The following CDH6 variants were observed in gnomAD, a reference collection of about 807,000 sequenced individuals.
The protein encoded by CDH6 is cadherin 6, also known as cadherin-6.
A neutral mutation model predicts 78.0 loss-of-function variants in CDH6; 31 were observed. The observed-to-expected ratio is 0.40, with a 90% confidence interval of 0.30 to 0.54. The LOEUF (loss-of-function observed/expected upper bound fraction) is 0.54. Ranked by LOEUF, CDH6 falls within the 20% of genes least tolerant of loss-of-function variation. The pLI is 0.56. For synonymous variants in CDH6, 376 were observed against 368.8 expected, an observed-to-expected ratio of 1.02 and a Z score of -0.23; for missense variants, 724 against 975.9, an observed-to-expected ratio of 0.74 and a Z score of 3.44.
rs1742942336 is a variant in CDH6, at chr5:31,284,012, G to T, written c.229-9950G>T. On this transcript the variant is annotated intron_variant, in intron 2 of 11. Coordinates refer to ENST00000265071, the MANE Select transcript of CDH6 (RefSeq NM_004932.4). ...GTGTTTTGGGTAGAGACAGGGTTTT[G>T]CCATGTTGCCCAGGCTGGTCTCAAA... Among the ~76,000 whole-genome samples the T allele has an allele frequency of 2.0e-5, 3 of 152,042 alleles. No individual in the cohort carries two copies. The South Asian group carries it at 6.2e-4, about 32-fold the overall frequency.
chr5:31,291,878 C>A (rs1035500870), intron 2 of CDH6, among the ~76,000 whole-genome samples: 1 of 152,160 alleles, frequency 6.6e-6, no homozygotes, highest in Non-Finnish European at 1.5e-5. Flanking sequence ...TAAGCAATTT[C>A]CTCCCCATTC....
chr5:31,232,976 G>A (rs1312985696), intron 1 of CDH6, among the ~76,000 whole-genome samples: 1 of 152,164 alleles, frequency 6.6e-6, no homozygotes, highest in African/African-American at 2.4e-5. Flanking sequence ...TTCAAAGGTT[G>A]CAGAGCTAGA....
chr5:31,273,435 G>A (rs557760752), intron 2 of CDH6, among the ~76,000 whole-genome samples: 3 of 152,260 alleles, frequency 2.0e-5, no homozygotes, highest in Admixed American at 6.5e-5. Flanking sequence ...GGGTTATCTC[G>A]TTGGATCCTC....
At chr5:31,279,776 A>G (rs1742803345) in intron 2 of CDH6, among the ~76,000 whole-genome samples, 1 of 152,196 alleles carries the variant, frequency 6.6e-6, no homozygotes, top group African/African-American at 2.4e-5. Flanking sequence ...AAGTGGACGC[A>G]TACAGTTCAA....
intron 11 of CDH6, chr5:31,318,622 A>T (rs771646578): frequency 2.2e-5 from 5 of 229,452 alleles, no homozygotes; most frequent in African/African-American, 4.4e-5. Context: ...CCAACTAATT[A>T]AGCCTACAAG....
chr5:31,219,279 G>A (rs1228042183), intron 1 of CDH6, among the ~76,000 whole-genome samples: 1 of 152,224 alleles, frequency 6.6e-6, no homozygotes, highest in East Asian at 1.9e-4. Context: ...CCACAATTGT[G>A]CAAGCTAGTT....
rs191366419 is a variant in CDH6, at chr5:31,208,360, G to A, written c.-129+14474G>A. Reference sequence around the variant, plus strand: ...GAGCTTGGTGTTCCAAAGGCCACGAGGGGTTTTAGACCCTGGACCCCGGAC... The same window carrying A: ...GAGCTTGGTGTTCCAAAGGCCACGAAGGGTTTTAGACCCTGGACCCCGGAC... On this transcript the variant is annotated intron_variant, in intron 1 of 11. Transcript: ENST00000265071. Among the ~76,000 whole-genome samples the A allele has an allele frequency of 2.7e-3, 406 of 152,254 alleles. 4 individuals are homozygous for A. The Middle Eastern group carries it at 0.034, about 13-fold the overall frequency.
At chr5:31,237,164 ATAGT>A (rs139106033) in intron 1 of CDH6, among the ~76,000 whole-genome samples, 9,791 of 152,148 alleles carry the variant, frequency 0.064, 628 homozygotes, top group East Asian at 0.36. Flanking sequence ...TATTTAGTAA[ATAGT>A]TAGCAATCAA....
At chr5:31,202,819 A>G (rs1431189330) in intron 1 of CDH6, among the ~76,000 whole-genome samples, 2 of 151,472 alleles carry the variant, frequency 1.3e-5, no homozygotes, top group African/African-American at 4.9e-5. Flanking sequence ...ATATAAAACT[A>G]TATGTATATA....
intron 2 of CDH6, among the ~76,000 whole-genome samples, chr5:31,289,416 G>A (rs1357689875): frequency 6.6e-6 from 1 of 152,130 alleles, no homozygotes; most frequent in Non-Finnish European, 1.5e-5. Flanking sequence ...GTTGTGAATG[G>A]TGTTATGATA....
rs2149920761 is a variant in CDH6, at chr5:31,243,948, G to A, written c.-128-23398G>A. On this transcript the variant is annotated intron_variant, in intron 1 of 11. Coordinates refer to ENST00000265071, the MANE Select transcript of CDH6 (RefSeq NM_004932.4). ...GGAAAAGTTCATGATGTGAATTTGAGACAGTTTTAAAGTTCATTTGTTTTT... is the reference window on the plus strand; with the variant it reads ...GGAAAAGTTCATGATGTGAATTTGAAACAGTTTTAAAGTTCATTTGTTTTT... Among the ~76,000 whole-genome samples, 3 of 152,300 alleles carry A rather than the reference G, an allele frequency of 2.0e-5. No individual in the cohort carries two copies. In the South Asian group the frequency reaches 6.2e-4, roughly 32 times the overall value.
chr5:31,232,447 C>T (rs889574323), intron 1 of CDH6, among the ~76,000 whole-genome samples: 1 of 152,136 alleles, frequency 6.6e-6, no homozygotes, highest in Non-Finnish European at 1.5e-5. Context: ...ACTCTAAGAC[C>T]CAGGCTTTGG....
At chr5:31,246,732 T>G (rs1030773638) in intron 1 of CDH6, among the ~76,000 whole-genome samples, 1 of 144,794 alleles carries the variant, frequency 6.9e-6, no homozygotes, top group Middle Eastern at 3.6e-3. Context: ...GAGTTTTTTG[T>G]GTTTTGTTTT....
chr5:31,286,451 T>C (rs1043707018), intron 2 of CDH6, among the ~76,000 whole-genome samples: 1 of 152,184 alleles, frequency 6.6e-6, no homozygotes, highest in African/African-American at 2.4e-5. Flanking sequence ...GGGATTGATG[T>C]CAAGGGAACC....
At chr5:31,270,829 G>A (rs76102382) in intron 2 of CDH6, among the ~76,000 whole-genome samples, 4,134 of 152,066 alleles carry the variant, frequency 0.027, 195 homozygotes, top group African/African-American at 0.095. Context: ...CCAACTAGCT[G>A]AGACTACAGA....
chr5:31,281,275 C>T (rs1047504437), intron 2 of CDH6, among the ~76,000 whole-genome samples: 2 of 145,380 alleles, frequency 1.4e-5, no homozygotes, highest in African/African-American at 5.2e-5. Flanking sequence ...TTGATACTCT[C>T]CTCCAAGACA....
At chr5:31,303,509 A>AT (rs1402599013) in intron 6 of CDH6, among the ~76,000 whole-genome samples, 1 of 152,168 alleles carries the variant, frequency 6.6e-6, no homozygotes, top group Non-Finnish European at 1.5e-5. Flanking sequence ...TCTGATTTCT[A>AT]TTTTTTTCCA....
chr5:31,323,316 C>A lies in CDH6; in HGVS notation c.*8C>A, dbSNP rs1446227514. 5.6e-6 allele frequency: 9 copies of A among 1,595,376 alleles called. No homozygotes were observed. Among genetic ancestry groups the A allele is most frequent in the South Asian group, 1.1e-5 (1 of 90,314 alleles). ...AGTGACAAAGACTCCTAATCTGTTG[C>A]CTTTTTCATTTTCCAATACGACACT... On this transcript the variant is annotated 3_prime_UTR_variant, in exon 12 of 12. Coordinates refer to ENST00000265071, the MANE Select transcript of CDH6 (RefSeq NM_004932.4).
chr5:31,308,234 T>C (rs146322917), intron 7 of CDH6, among the ~76,000 whole-genome samples: 133 of 152,258 alleles, frequency 8.7e-4, no homozygotes, highest in African/African-American at 3.1e-3. Context: ...TTTAATCACA[T>C]AAAATTATTT....
Sources: allele counts gnomAD v4.1 joint callset (sites outside exome capture counted in the v4.1 genomes callset), GRCh38; gene constraint gnomAD v4.1.1; transcripts MANE v1.5; gene names NCBI Gene and HGNC (gene_info 2026-07-23, HGNC 2026-07-21).